Variants in ZMYND8 observed in about 807,000 individuals in gnomAD.
The protein encoded by ZMYND8 is MYND-type zinc finger-containing chromatin reader ZMYND8.
In ZMYND8, 37 loss-of-function variants were observed where a neutral mutation model predicts 140.8. The observed-to-expected ratio is 0.26, with a 90% CI of 0.20 to 0.35. The LOEUF is 0.35. ZMYND8 is among the 10% of genes least tolerant of loss of function. ZMYND8 has a pLI of 1.00. For synonymous variants in ZMYND8, 592 were observed against 597.1 expected, an observed-to-expected ratio of 0.99 and a Z score of 0.12; for missense variants, 1,068 against 1,570.0, an observed-to-expected ratio of 0.68 and a Z score of 5.40.
rs145926250 is a variant in ZMYND8, at chr20:47,238,906, C to G, written c.2517G>C (p.Trp839Cys). ...ETAPAVQRVVWNSSSKFQTSS... is the reference protein window; with the variant it reads ...ETAPAVQRVVCNSSSKFQTSS... ...ACGTTTGAAACTTACTTGATGAGTT[C>G]CACACGACCCGCTGCACGGCCGGGG... The change falls in exon 15 of 23, where the codon TGG (tryptophan) becomes TGC (cysteine). Residue 839 changes from tryptophan (W) to cysteine (C), a missense_variant. Physicochemically the swap from Trp to Cys is radical, Grantham distance 215. Transcript: ENST00000471951. 3 of 1,613,998 alleles carry G rather than the reference C, an allele frequency of 1.9e-6. No homozygotes were observed. Among genetic ancestry groups the G allele is most frequent in the African/African-American group, 2.7e-5 (2 of 74,936 alleles).
chr20:47,276,829 A>C (rs1315995894), intron 10 of ZMYND8, 34 bp from the exon 11 acceptor site: 2 of 1,515,258 alleles, frequency 1.3e-6, no homozygotes, highest in Non-Finnish European at 1.8e-6. Flanking sequence ...AGTTTAAGTC[A>C]ACTTCAGTAA....
chr20:47,355,538 T>C, intron 1 of ZMYND8: 2 of 983,122 alleles, frequency 2.0e-6, no homozygotes, highest in Non-Finnish European at 2.4e-6. Flanking sequence ...AAAAAGGAAA[T>C]TTTTTTAAAC....
intron 12 of ZMYND8, among the ~76,000 whole-genome samples, chr20:47,253,154 A>G (rs2903933): frequency 0.24 from 36,491 of 152,152 alleles, 4,768 homozygotes; most frequent in Non-Finnish European, 0.3. Context: ...TTGCCTGTAA[A>G]GTTTTAGAAA....
chr20:47,240,545 TA>T (rs1255344380), intron 14 of ZMYND8, among the ~76,000 whole-genome samples: 1 of 151,686 alleles, frequency 6.6e-6, no homozygotes, highest in Non-Finnish European at 1.5e-5. Flanking sequence ...GAAAAGTAAA[TA>T]AAATGAGTTT....
intron 12 of ZMYND8, among the ~76,000 whole-genome samples, chr20:47,252,033 G>T (rs529928241): frequency 6.6e-6 from 1 of 151,928 alleles, no homozygotes; most frequent in Admixed American, 6.6e-5. Context: ...AGCAGTTCAC[G>T]CCTGTAATCC....
intron 2 of ZMYND8, among the ~76,000 whole-genome samples, chr20:47,317,776 C>T (rs1381783495): frequency 3.9e-5 from 6 of 152,160 alleles, no homozygotes; most frequent in Non-Finnish European, 5.9e-5. Context: ...GGTGGGGAAT[C>T]AGCTTTCTGG....
At chr20:47,326,236 G>A (rs890282634) in intron 2 of ZMYND8, among the ~76,000 whole-genome samples, 1 of 152,132 alleles carries the variant, frequency 6.6e-6, no homozygotes, top group Admixed American at 6.5e-5. Flanking sequence ...GGGATTACAG[G>A]CATGAGCCAC....
At chr20:47,355,514 T>C in intron 1 of ZMYND8, 3 of 985,408 alleles carry the variant, frequency 3.0e-6, no homozygotes, top group Non-Finnish European at 3.6e-6. Context: ...GGCTGGCAGA[T>C]TTGGGACTTG....
At chr20:47,296,261 C>T (rs1021012676) in intron 4 of ZMYND8, among the ~76,000 whole-genome samples, 4 of 152,150 alleles carry the variant, frequency 2.6e-5, no homozygotes, top group Non-Finnish European at 5.9e-5. Flanking sequence ...CCTCTCACCC[C>T]CCACTCCTTC....
At chr20:47,354,991 T>C (rs16992535) in intron 1 of ZMYND8, among the ~76,000 whole-genome samples, 1,934 of 152,174 alleles carry the variant, frequency 0.013, 51 homozygotes, top group African/African-American at 0.043. Context: ...GATTTTGCAC[T>C]ATACATAAGT....
intron 2 of ZMYND8, among the ~76,000 whole-genome samples, chr20:47,316,818 G>T (rs1296215859): frequency 6.6e-6 from 1 of 151,512 alleles, no homozygotes; most frequent in African/African-American, 2.4e-5. Context: ...AAGAAAGAAA[G>T]CTAAGAGTTT....
chr20:47,262,537 A>G (rs2075231299), intron 11 of ZMYND8, 109 bp from the exon 12 acceptor site: 1 of 1,453,328 alleles, frequency 6.9e-7, no homozygotes, highest in Non-Finnish European at 9.4e-7. Flanking sequence ...GTTTGATTTC[A>G]GCAAGGCCGC....
intron 18 of ZMYND8, among the ~76,000 whole-genome samples, chr20:47,225,094 G>A (rs756146039): frequency 3.4e-5 from 5 of 148,460 alleles, no homozygotes; most frequent in Non-Finnish European, 7.4e-5. Context: ...TAGACCTCAG[G>A]CGTGCTTTCT....
intron 12 of ZMYND8, among the ~76,000 whole-genome samples, chr20:47,258,989 C>T (rs1260656983): frequency 6.6e-6 from 1 of 151,856 alleles, no homozygotes; most frequent in Non-Finnish European, 1.5e-5. Context: ...GGCCTCGGTT[C>T]CCCTGGTGCT....
At chr20:47,276,104 C>A (rs2076240925) in intron 11 of ZMYND8, among the ~76,000 whole-genome samples, 1 of 152,212 alleles carries the variant, frequency 6.6e-6, no homozygotes, top group Non-Finnish European at 1.5e-5. Flanking sequence ...CTAGGTATAA[C>A]CTCCAGGTGG....
At chr20:47,245,887 G>A (rs2040508741) in intron 14 of ZMYND8, 121 bp downstream of exon 14, 1 of 1,411,810 alleles carries the variant, frequency 7.1e-7, no homozygotes, top group Non-Finnish European at 9.5e-7. Flanking sequence ...CTCTCAGTGT[G>A]TTAGAGGGTC....
In ZMYND8 at chr20:47,314,712, G is replaced by A. The variant is rs114254161; in HGVS notation, c.86-4508C>T. The stretch of plus-strand genomic sequence containing the variant: ...CTACACAATCCTGTTCCACACTGGC[G>A]AGCCAGAGCCAATGGCCTCTACTTC... On this transcript the variant is annotated intron_variant, in intron 2 of 22. Coordinates refer to ENST00000471951, the MANE Select transcript of ZMYND8 (RefSeq NM_001281775.3). Among the ~76,000 whole-genome samples, 821 of 152,264 alleles carry A rather than the reference G, an allele frequency of 5.4e-3. 6 individuals carry two copies. The highest frequency in any genetic ancestry group is 0.019 in the African/African-American group (779 of 41,544).
chr20:47,269,574 A>G (rs929626735), intron 11 of ZMYND8, among the ~76,000 whole-genome samples: 27 of 152,270 alleles, frequency 1.8e-4, no homozygotes, highest in Non-Finnish European at 3.2e-4. Context: ...TTTGATGTAC[A>G]ATTCACAAGT....
chr20:47,326,079 T>A (rs369302656), intron 2 of ZMYND8, among the ~76,000 whole-genome samples: 1 of 152,340 alleles, frequency 6.6e-6, no homozygotes, highest in African/African-American at 2.4e-5. Context: ...TGCCTCAGCC[T>A]CTTGAGTAGC....
Sources: gnomAD v4.1 joint callset for allele counts (sites outside exome capture counted in the v4.1 genomes callset) on GRCh38, gnomAD v4.1.1 for gene constraint, MANE v1.5 for transcripts, NCBI Gene and HGNC (gene_info 2026-07-23, HGNC 2026-07-21) for gene names.